The following OSBPL1A variants were observed in gnomAD, a reference collection of about 807,000 sequenced individuals.
The protein encoded by OSBPL1A is oxysterol-binding protein-related protein 1.
OSBPL1A carries 80 observed loss-of-function variants against 137.1 expected under a neutral mutation model. That is an observed-to-expected ratio of 0.58 (90% CI 0.49 to 0.70). OSBPL1A has a LOEUF of 0.70. Among genes scored for constraint, OSBPL1A ranks in the 30% least tolerant of loss-of-function variants. The pLI, the probability that OSBPL1A is intolerant of heterozygous loss-of-function variation, is 0.00. For missense variants in OSBPL1A, 970 were observed against 1,129.4 expected, an observed-to-expected ratio of 0.86 and a Z score of 2.02; for synonymous variants, 365 against 389.7, an observed-to-expected ratio of 0.94 and a Z score of 0.75.
intron 5 of OSBPL1A, among the ~76,000 whole-genome samples, chr18:24,336,215 T>C (rs1053308972): frequency 5.9e-5 from 9 of 152,176 alleles, no homozygotes; most frequent in African/African-American, 2.2e-4. Flanking sequence ...AGTTGGTCAA[T>C]AAATACGTGT....
chr18:24,175,116 A>ACATATATATATATATATACG (rs2086403007), intron 21 of OSBPL1A, among the ~76,000 whole-genome samples: 7 of 32,800 alleles, frequency 2.1e-4, no homozygotes, highest in Admixed American at 4.0e-4. Flanking sequence ...ATGTATATAT[A>ACATATATATATATATATACG]TATATATATA....
intron 17 of OSBPL1A, among the ~76,000 whole-genome samples, chr18:24,196,601 G>A (rs1407215339): frequency 6.6e-6 from 1 of 152,182 alleles, no homozygotes; most frequent in Non-Finnish European, 1.5e-5. Flanking sequence ...GCTAAATGAT[G>A]TAAACAAAAT....
intron 1 of OSBPL1A, among the ~76,000 whole-genome samples, chr18:24,393,971 C>T (rs2144292852): frequency 6.6e-6 from 1 of 152,182 alleles, no homozygotes; most frequent in Non-Finnish European, 1.5e-5. Flanking sequence ...AAGCACTAAC[C>T]TGTATCGTTT....
chr18:24,174,215 G>GT (rs34539907), intron 21 of OSBPL1A, among the ~76,000 whole-genome samples: 75,037 of 151,978 alleles, frequency 0.49, 22,086 homozygotes, highest in Non-Finnish European at 0.66. Flanking sequence ...TGGGATGAAC[G>GT]TAAGTTTCCA....
intron 14 of OSBPL1A, among the ~76,000 whole-genome samples, chr18:24,289,278 CTCAACAAAT>C (rs1393354688): frequency 6.6e-6 from 1 of 152,070 alleles, no homozygotes; most frequent in African/African-American, 2.4e-5. Flanking sequence ...TGTAATTGTC[CTCAACAAAT>C]TCTACCTTAC....
intron 17 of OSBPL1A, among the ~76,000 whole-genome samples, chr18:24,221,837 T>C (rs1178387658): frequency 6.6e-6 from 1 of 152,326 alleles, no homozygotes; most frequent in South Asian, 2.1e-4. Flanking sequence ...CCTAGGTATG[T>C]GACTTTTTTA....
At position 24,163,268 on chromosome 18, in the gene OSBPL1A, C is replaced by T. The variant is rs148676395; in HGVS notation, c.2764G>A (p.Gly922Ser). 8.5e-5 allele frequency: 136 copies of T among 1,606,896 alleles called. No homozygotes were observed. Among genetic ancestry groups the T allele is most frequent in the Non-Finnish European group, 1.1e-4 (135 of 1,176,940 alleles). The change falls in exon 28 of 28, where the codon GGT (glycine) becomes AGT (serine). Residue 922 changes from glycine (G) to serine (S), a missense_variant. By Grantham distance (56) the Gly-to-Ser change is moderately conservative (BLOSUM62 0). Coordinates refer to ENST00000319481, the MANE Select transcript of OSBPL1A (RefSeq NM_080597.4). ...EDWKTRWFHQGPNPYNGAQDW... is the reference protein window; with the variant it reads ...EDWKTRWFHQSPNPYNGAQDW... Reference sequence around the variant, plus strand: ...TGTGCTCCATTGTAGGGATTAGGACCTTGATGGAACCACCTGTTAAAAGAA... The same window carrying T: ...TGTGCTCCATTGTAGGGATTAGGACTTTGATGGAACCACCTGTTAAAAGAA...
intron 4 of OSBPL1A, among the ~76,000 whole-genome samples, chr18:24,348,309 A>G (rs572695016): frequency 8.0e-4 from 122 of 152,328 alleles, no homozygotes; most frequent in Non-Finnish European, 1.5e-3. Context: ...ATAATACTCA[A>G]TATTTAATTA....
chr18:24,353,515 C>A (rs1599704910), intron 4 of OSBPL1A, among the ~76,000 whole-genome samples: 3 of 151,890 alleles, frequency 2.0e-5, no homozygotes, highest in African/African-American at 7.3e-5. Flanking sequence ...TGTGGCGATT[C>A]CTCAGGGATC....
chr18:24,171,032 A>C (rs1167184260), intron 23 of OSBPL1A, among the ~76,000 whole-genome samples: 4 of 151,068 alleles, frequency 2.6e-5, no homozygotes, highest in Admixed American at 2.6e-4. Context: ...AGGTTATGGC[A>C]ATTTTTTTTG....
intron 12 of OSBPL1A, among the ~76,000 whole-genome samples, chr18:24,313,523 A>G (rs1353646951): frequency 1.3e-5 from 2 of 152,028 alleles, no homozygotes; most frequent in Non-Finnish European, 2.9e-5. Context: ...TGTTTAATTT[A>G]TCACTAGGAA....
chr18:24,225,223 A>G (rs1490777727), intron 16 of OSBPL1A, 25 bp from the exon 17 acceptor site: 3 of 1,613,016 alleles, frequency 1.9e-6, no homozygotes, highest in Non-Finnish European at 2.5e-6. Context: ...GTTCATAGTT[A>G]ATGAATTGAA....
At position 24,349,703 on chromosome 18, in the gene OSBPL1A, A is replaced by C. The variant is rs1599699946; in HGVS notation, c.283-8045T>G. On this transcript the variant is annotated intron_variant, in intron 4 of 27. Transcript: ENST00000319481. ...ATTTGAGGGTGGCCTGTAAGAGCTG[A>C]GAGTGATCCCTTGCAAAAGAAAAAA... Among the ~76,000 whole-genome samples, 3 of 147,762 alleles carry C rather than the reference A, an allele frequency of 2.0e-5. No homozygotes were observed. The East Asian group carries it at 6.5e-4, about 32-fold the overall frequency.
intron 15 of OSBPL1A, among the ~76,000 whole-genome samples, chr18:24,275,642 A>C (rs1161713570): frequency 1.3e-5 from 2 of 152,212 alleles, no homozygotes; most frequent in African/African-American, 4.8e-5. Flanking sequence ...TCCAGTCCAA[A>C]GAAGCAGTAC....
chr18:24,381,423 A>C (rs28450448), intron 1 of OSBPL1A, among the ~76,000 whole-genome samples: 294 of 152,308 alleles, frequency 1.9e-3, no homozygotes, highest in African/African-American at 6.5e-3. Context: ...GATGGACCTA[A>C]CAGAAGGTTC....
intron 17 of OSBPL1A, among the ~76,000 whole-genome samples, chr18:24,197,730 A>G (rs1405442127): frequency 6.6e-6 from 1 of 151,744 alleles, no homozygotes; most frequent in African/African-American, 2.4e-5. Flanking sequence ...CATGTATAAT[A>G]TAGTTTTAGA....
At chr18:24,354,348 C>G (rs1184533894) in intron 4 of OSBPL1A, among the ~76,000 whole-genome samples, 1 of 152,116 alleles carries the variant, frequency 6.6e-6, no homozygotes, top group Non-Finnish European at 1.5e-5. Context: ...TCTTAGCGGA[C>G]AGAAGCCAAC....
chr18:24,381,964 A>AAAAG (rs557216249), intron 1 of OSBPL1A, among the ~76,000 whole-genome samples: 85 of 151,974 alleles, frequency 5.6e-4, no homozygotes, highest in African/African-American at 1.9e-3. Context: ...CCACCTCAAA[A>AAAAG]AAAGAAAGAA....
At chr18:24,336,918 T>C (rs1349572034) in intron 5 of OSBPL1A, among the ~76,000 whole-genome samples, 5 of 152,214 alleles carry the variant, frequency 3.3e-5, no homozygotes, top group Admixed American at 3.3e-4. Context: ...TAGTGGTAAA[T>C]GGGGTATTTA....
Sources: allele counts gnomAD v4.1 joint callset (sites outside exome capture counted in the v4.1 genomes callset), GRCh38; gene constraint gnomAD v4.1.1; transcripts MANE v1.5; gene names NCBI Gene and HGNC (gene_info 2026-07-23, HGNC 2026-07-21).